GRIA3: variants seen among roughly 807,000 people sequenced by gnomAD.
The protein encoded by GRIA3 is glutamate receptor 3.
Under a neutral mutation model 63.0 loss-of-function variants are expected in GRIA3, and 3 were observed. The observed-to-expected ratio is 0.05, with a 90% CI of 0.02 to 0.12. The LOEUF (loss-of-function observed/expected upper bound fraction) is 0.12. GRIA3 is among the 10% of genes least tolerant of loss of function. GRIA3 has a pLI of 1.00. For missense variants in GRIA3, 347 were observed against 700.9 expected (o/e 0.50, Z 5.70); for synonymous variants, 274 against 257.9 (o/e 1.06, Z -0.60).
At chrX:123,373,755 G>A (rs1380560910) in intron 5 of GRIA3, among the ~76,000 whole-genome samples, 1 of 111,430 alleles carries the variant, frequency 9.0e-6, no homozygotes, top group Non-Finnish European at 1.9e-5. Flanking sequence ...CTGGATATTA[G>A]CCCTTTGTCA....
chrX:123,345,439 AACACACACACACACACACACACACACAC>A (rs59142587), intron 4 of GRIA3, among the ~76,000 whole-genome samples: 5 of 65,905 alleles, frequency 7.6e-5, no homozygotes, highest in Admixed American at 1.9e-4. Context: ...CCCCCTTCAC[AACACACACACACACACACACACACACAC>A]ACACACACAC....
chrX:123,416,711 T>C (rs2147392872), intron 10 of GRIA3, among the ~76,000 whole-genome samples: 1 of 113,174 alleles, frequency 8.8e-6, no homozygotes, highest in South Asian at 3.5e-4. Context: ...ACCCTTGTTA[T>C]TGCCCAGGCA....
chrX:123,213,432 A>T (rs755748834), intron 2 of GRIA3, among the ~76,000 whole-genome samples: 2 of 112,385 alleles, frequency 1.8e-5, no homozygotes, highest in Admixed American at 1.9e-4. Context: ...GTACAGATGA[A>T]GGGAAGAAGG....
chrX:123,358,540 A>G (rs1224614177), intron 5 of GRIA3: 1 of 112,307 alleles, frequency 8.9e-6, no homozygotes, highest in Non-Finnish European at 1.9e-5. Flanking sequence ...AAATCCCGGA[A>G]AGAAACAGAA....
At chrX:123,436,365 T>C (rs188795940) in intron 12 of GRIA3, among the ~76,000 whole-genome samples, 185 of 111,645 alleles carry the variant, frequency 1.7e-3, no homozygotes, top group Non-Finnish European at 2.4e-3. Flanking sequence ...AGAAAGCTCA[T>C]TCAATATTTT....
intron 11 of GRIA3, among the ~76,000 whole-genome samples, chrX:123,425,790 A>G (rs934604322): frequency 8.9e-6 from 1 of 111,951 alleles, no homozygotes; most frequent in Non-Finnish European, 1.9e-5. Context: ...GGAAATAAAT[A>G]CGGGTTGTCT....
chrX:123,217,515 T>C (rs1162604758), intron 2 of GRIA3, among the ~76,000 whole-genome samples: 1 of 111,632 alleles, frequency 9.0e-6, no homozygotes, highest in Non-Finnish European at 1.9e-5. Context: ...CACCCGCAGG[T>C]TACCCCTTTC....
chrX:123,452,729 C>T (rs915089194), intron 12 of GRIA3, among the ~76,000 whole-genome samples: 17 of 111,564 alleles, frequency 1.5e-4, no homozygotes, highest in Non-Finnish European at 2.8e-4. Flanking sequence ...GCTGGAGATG[C>T]CGTTTCATTG....
intron 5 of GRIA3, among the ~76,000 whole-genome samples, chrX:123,362,994 A>G (rs2045186887): frequency 8.9e-6 from 1 of 112,715 alleles, no homozygotes; most frequent in African/African-American, 3.2e-5. Context: ...TGTAATTGTC[A>G]ACTCTACACA....
chrX:123,325,942 T>G (rs1653775221), intron 3 of GRIA3, 84 bp from the exon 4 acceptor site: 21 of 820,296 alleles, frequency 2.6e-5, no homozygotes, highest in Non-Finnish European at 3.6e-5. Flanking sequence ...AGGCACCTGA[T>G]GGACTGTGAC....
At chrX:123,322,354 T>G (rs959399807) in intron 3 of GRIA3, among the ~76,000 whole-genome samples, 1 of 112,349 alleles carries the variant, frequency 8.9e-6, no homozygotes. Context: ...GACAGCAGTC[T>G]GGAATCAGAA....
chrX:123,225,357 T>A (rs776259703), intron 2 of GRIA3, among the ~76,000 whole-genome samples: 1 of 112,337 alleles, frequency 8.9e-6, no homozygotes, highest in Non-Finnish European at 1.9e-5. Flanking sequence ...AATAAATGAT[T>A]ACTGAATAAA....
At position 123,317,955 on chromosome X, in the gene GRIA3, C is replaced by A. The variant is rs762061901; in HGVS notation, c.509-8071C>A. Among the ~76,000 whole-genome samples the A allele has an allele frequency of 2.7e-5, 3 of 112,923 alleles. No individual in the cohort carries two copies. In the East Asian group the frequency reaches 8.4e-4, roughly 32 times the overall value. On this transcript the variant is annotated intron_variant, in intron 3 of 15. Coordinates refer to ENST00000620443, the MANE Select transcript of GRIA3 (RefSeq NM_007325.5). ...CTTTTGCCTGGGCATCCAGGCATTT[C>A]CATACATCTTCTGAAATCCAGGCAG...
At chrX:123,345,026 G>A (rs1383051163) in intron 4 of GRIA3, among the ~76,000 whole-genome samples, 1 of 111,198 alleles carries the variant, frequency 9.0e-6, no homozygotes, top group East Asian at 2.8e-4. Flanking sequence ...AGATTCCCCA[G>A]GTGATCCACA....
chrX:123,465,291 T>C (rs756088037), intron 13 of GRIA3, among the ~76,000 whole-genome samples, 179 bp downstream of exon 13: 5 of 111,568 alleles, frequency 4.5e-5, no homozygotes, highest in Admixed American at 1.9e-4. Context: ...AATGCATCCA[T>C]TTTTTTTAAT....
intron 5 of GRIA3, among the ~76,000 whole-genome samples, chrX:123,386,743 A>AT (rs755679226): frequency 1.8e-5 from 2 of 111,387 alleles, no homozygotes; most frequent in East Asian, 5.6e-4. Flanking sequence ...GTCCTTAGAA[A>AT]TTTTTTTGAA....
chrX:123,234,696 C>A (rs2044293242), intron 2 of GRIA3, among the ~76,000 whole-genome samples: 1 of 111,800 alleles, frequency 8.9e-6, no homozygotes, highest in African/African-American at 3.3e-5. Context: ...TTGGCCCACT[C>A]TTAATGGGTC....
intron 2 of GRIA3, among the ~76,000 whole-genome samples, chrX:123,247,382 G>A (rs765788267): frequency 9.0e-6 from 1 of 111,480 alleles, no homozygotes; most frequent in Admixed American, 9.5e-5. Flanking sequence ...CTACAGACTC[G>A]GGGACTATAA....
intron 2 of GRIA3, among the ~76,000 whole-genome samples, chrX:123,200,214 T>A (rs889293721): frequency 1.8e-5 from 2 of 111,000 alleles, no homozygotes; most frequent in African/African-American, 6.6e-5. Flanking sequence ...CCCTACCTGA[T>A]TTTTTTAATG....
Sources: allele counts gnomAD v4.1 joint callset (sites outside exome capture counted in the v4.1 genomes callset), GRCh38; gene constraint gnomAD v4.1.1; transcripts MANE v1.5; gene names NCBI Gene and HGNC (gene_info 2026-07-23, HGNC 2026-07-21).